The following ZC3HC1 variants were observed in gnomAD, a reference collection of about 807,000 sequenced individuals.
ZC3HC1 encodes zinc finger C3HC-type containing 1, also known as zinc finger C3HC-type protein 1.
ZC3HC1 carries 38 observed loss-of-function variants against 61.9 expected under a neutral mutation model. The ratio of observed to expected loss-of-function variants is 0.61; its 90% CI spans 0.47 to 0.81. The LOEUF (loss-of-function observed/expected upper bound fraction) is 0.81, where lower values mean the gene tolerates loss of function less well. ZC3HC1 is among the 30% of genes least tolerant of loss of function. ZC3HC1 has a pLI of 0.00. For synonymous variants in ZC3HC1, 213 were observed against 229.9 expected (o/e 0.93, Z 0.67); for missense variants, 554 against 622.7 (o/e 0.89, Z 1.17).
rs184505142 is a variant in ZC3HC1 at position 130,033,575 on chromosome 7, C to T, written c.494-4546G>A. 5.3e-5 allele frequency among the ~76,000 whole-genome samples: 8 copies of T among 151,592 alleles called. No individual in the cohort carries two copies. The East Asian group carries it at 1.6e-3, about 30-fold the overall frequency. ...TCAAGCAATTCTCCTGCCTTAGCCT[C>T]CCCAGTAGCTGGGACTACAGGCACG... On this transcript the variant is annotated intron_variant, in intron 4 of 9. Transcript: ENST00000358303.
chr7:130,025,350 T>C (rs1220179169), intron 6 of ZC3HC1, among the ~76,000 whole-genome samples: 1 of 151,104 alleles, frequency 6.6e-6, no homozygotes, highest in African/African-American at 2.4e-5. Flanking sequence ...CTTTGGTAGA[T>C]TAAGGATAGT....
chr7:130,042,413 G>A (rs1477333740), intron 2 of ZC3HC1, among the ~76,000 whole-genome samples: 1 of 152,016 alleles, frequency 6.6e-6, no homozygotes, highest in East Asian at 1.9e-4. Context: ...TGAAAGTACT[G>A]GGATATGCCT....
At chr7:130,051,159 C>A in intron 1 of ZC3HC1, 62 bp downstream of exon 1, 1 of 1,540,850 alleles carries the variant, frequency 6.5e-7, no homozygotes, top group Non-Finnish European at 8.7e-7. Context: ...CAACCCGCCA[C>A]CCCTTCCCCA....
chr7:130,039,004 C>A (rs1424457879), intron 4 of ZC3HC1, among the ~76,000 whole-genome samples: 1 of 151,494 alleles, frequency 6.6e-6, no homozygotes, highest in Non-Finnish European at 1.5e-5. Flanking sequence ...AGTAATAACA[C>A]AAGTGAATAT....
chr7:130,021,107 A>T (rs911065285), intron 9 of ZC3HC1, among the ~76,000 whole-genome samples: 1 of 150,930 alleles, frequency 6.6e-6, no homozygotes, highest in Non-Finnish European at 1.5e-5. Context: ...AGGTTTCACC[A>T]TGTTGGCTAG....
At chr7:130,039,568 A>C (rs1055808590) in intron 3 of ZC3HC1, 21 bp from the exon 4 acceptor site, 7 of 1,594,630 alleles carry the variant, frequency 4.4e-6, no homozygotes, top group Non-Finnish European at 6.0e-6. Context: ...CATAAACAGC[A>C]ACACCTTAAA....
intron 4 of ZC3HC1, among the ~76,000 whole-genome samples, chr7:130,032,721 AGGAG>A (rs1247480682): frequency 1.1e-4 from 6 of 55,988 alleles, no homozygotes; most frequent in African/African-American, 3.4e-4. Context: ...AAGGAAGGGA[AGGAG>A]GGAGGGAGGG....
At chr7:130,040,638 T>G (rs1794617796) in intron 3 of ZC3HC1, among the ~76,000 whole-genome samples, 1 of 147,640 alleles carries the variant, frequency 6.8e-6, no homozygotes, top group South Asian at 2.1e-4. Context: ...AAACCCCACC[T>G]CTACAAAAAA....
chr7:130,021,080 T>C (rs1231427088), intron 9 of ZC3HC1, among the ~76,000 whole-genome samples: 1 of 151,432 alleles, frequency 6.6e-6, no homozygotes, highest in East Asian at 1.9e-4. Flanking sequence ...TTTTTTTTTG[T>C]ATTTTGAGTA....
chr7:130,035,639 G>A (rs550637611), intron 4 of ZC3HC1, among the ~76,000 whole-genome samples: 3 of 151,944 alleles, frequency 2.0e-5, no homozygotes, highest in South Asian at 4.2e-4. Context: ...GTGCCACCAC[G>A]CCCGGCTAAT....
In ZC3HC1 at chr7:130,024,472, T is replaced by C. The variant is rs1464890; in HGVS notation, c.811A>G (p.Thr271Ala). The part of the protein sequence containing the change: ...SLESMQLSLI[T>A]CSQCMRKVGL... ...ACCTTCCTCATACATTGCGAACATG[T>C]TATCAGGGAGAGCTGCATGGATTCC... Residue 271 changes from threonine to alanine, a missense_variant, in exon 7 of 10, where the codon ACA becomes GCA. Thr to Ala is a moderately conservative substitution (Grantham distance 58). Coordinates refer to ENST00000358303, the MANE Select transcript of ZC3HC1 (RefSeq NM_016478.5). 877,288 of 1,613,246 alleles carry C rather than the reference T, an allele frequency of 0.54. 245,697 individuals are homozygous for C. Among genetic ancestry groups the C allele is most frequent in the East Asian group, 0.72 (32,199 of 44,848 alleles).
At chr7:130,042,711 C>T (rs1563084237) in intron 2 of ZC3HC1, among the ~76,000 whole-genome samples, 1 of 152,146 alleles carries the variant, frequency 6.6e-6, no homozygotes, top group Non-Finnish European at 1.5e-5. Flanking sequence ...GAGATGGAGT[C>T]TTGCTCTGTT....
At chr7:130,020,952 C>T (rs1793617183) in intron 9 of ZC3HC1, among the ~76,000 whole-genome samples, 1 of 151,992 alleles carries the variant, frequency 6.6e-6, no homozygotes, top group African/African-American at 2.4e-5. Flanking sequence ...GAAGCCCAGG[C>T]TGGAGCGCAA....
intron 2 of ZC3HC1, among the ~76,000 whole-genome samples, chr7:130,044,592 TTGAGTCCA>T (rs1315009569): frequency 6.6e-6 from 1 of 152,180 alleles, no homozygotes; most frequent in Non-Finnish European, 1.5e-5. Flanking sequence ...AAAGAAAATA[TTGAGTCCA>T]TGTTACTACA....
At chr7:130,040,327 T>G (rs1794599248) in intron 3 of ZC3HC1, among the ~76,000 whole-genome samples, 1 of 147,828 alleles carries the variant, frequency 6.8e-6, no homozygotes, top group African/African-American at 2.5e-5. Context: ...ACCCCGTCTC[T>G]ACTAAAAATA....
chr7:130,043,050 CG>C (rs1794740535), intron 2 of ZC3HC1, among the ~76,000 whole-genome samples: 1 of 151,996 alleles, frequency 6.6e-6, no homozygotes, highest in African/African-American at 2.4e-5. Context: ...CTGAGACGGG[CG>C]GATCACTTGA....
intron 4 of ZC3HC1, among the ~76,000 whole-genome samples, chr7:130,038,619 G>C (rs942911755): frequency 2.6e-5 from 4 of 151,858 alleles, no homozygotes; most frequent in Admixed American, 2.6e-4. Context: ...AGCAGTTTGG[G>C]AGGCCAAGGC....
chr7:130,045,570 T>C, intron 2 of ZC3HC1: 1 of 456,960 alleles, frequency 2.2e-6, no homozygotes, highest in East Asian at 7.0e-5. Context: ...TTATGATGAC[T>C]TGTACTTTGG....
chr7:130,042,211 G>C (rs1211992902), intron 2 of ZC3HC1, among the ~76,000 whole-genome samples: 2 of 151,268 alleles, frequency 1.3e-5, no homozygotes, highest in Non-Finnish European at 2.9e-5. Flanking sequence ...GCTGAGGGAG[G>C]AGGATGGCTT....
Sources: gnomAD v4.1 joint callset for allele counts (sites outside exome capture counted in the v4.1 genomes callset) on GRCh38, gnomAD v4.1.1 for gene constraint, MANE v1.5 for transcripts, NCBI Gene and HGNC (gene_info 2026-07-23, HGNC 2026-07-21) for gene names.